LINGO2: variants seen among roughly 807,000 people sequenced by gnomAD.
LINGO2 encodes leucine-rich repeat and immunoglobulin-like domain-containing nogo receptor-interacting protein 2.
LINGO2 carries 14 observed loss-of-function variants against 30.6 expected under a neutral mutation model. The ratio of observed to expected loss-of-function variants is 0.46; its 90% confidence interval spans 0.30 to 0.72. LINGO2 has a LOEUF of 0.72. Ranked by LOEUF, LINGO2 falls within the 30% of genes least tolerant of loss-of-function variation. The pLI, the probability that LINGO2 is intolerant of heterozygous loss-of-function variation, is 0.07. For synonymous variants in LINGO2, 317 were observed against 288.5 expected, an observed-to-expected ratio of 1.10 and a Z score of -1.00; for missense variants, 729 against 751.7, an observed-to-expected ratio of 0.97 and a Z score of 0.35.
chr9:28,628,933 C>T (rs1826810221), intron 1 of LINGO2, among the ~76,000 whole-genome samples: 1 of 152,032 alleles, frequency 6.6e-6, no homozygotes, highest in African/African-American at 2.4e-5. Context: ...TCTGGAGATA[C>T]CCAGAGCCCA....
At chr9:29,208,910 A>C in the LINGO2 span, among the ~76,000 whole-genome samples, 1 of 152,150 alleles carries the variant, frequency 6.6e-6, no homozygotes, top group Non-Finnish European at 1.5e-5. Flanking sequence ...GATTTTTAGA[A>C]CTAGGATCTT....
chr9:28,297,216 G>C (rs912174791), intron 3 of LINGO2, among the ~76,000 whole-genome samples: 4 of 152,252 alleles, frequency 2.6e-5, no homozygotes, highest in East Asian at 3.9e-4. Context: ...GTGAAAATAA[G>C]TCAGTATAAC....
intron 1 of LINGO2, among the ~76,000 whole-genome samples, chr9:28,559,123 C>T (rs1822906221): frequency 6.6e-6 from 1 of 152,062 alleles, no homozygotes; most frequent in South Asian, 2.1e-4. Context: ...CAAATAAATT[C>T]TAAAAACTGT....
Position 28,128,256 on chromosome 9 carries a change from T to C in LINGO2, c.-86-115851A>G, listed in dbSNP as rs533492849. On this transcript the variant is annotated intron_variant, in intron 4 of 5. Coordinates refer to ENST00000379992, the Ensembl canonical transcript of LINGO2. Reference sequence around the variant, plus strand: ...GCCACAGAAAAAGTACAAGAACCATTGTTTCCTGACTCCTCAATCAGTGCT... The same window carrying C: ...GCCACAGAAAAAGTACAAGAACCATCGTTTCCTGACTCCTCAATCAGTGCT... Among the ~76,000 whole-genome samples, 3 of 152,292 alleles carry C rather than the reference T, an allele frequency of 2.0e-5. No individual in the cohort carries two copies. The East Asian group carries it at 5.8e-4, about 29-fold the overall frequency.
the LINGO2 span, among the ~76,000 whole-genome samples, chr9:28,696,019 G>A: frequency 2.6e-5 from 4 of 151,484 alleles, no homozygotes; most frequent in African/African-American, 4.8e-5. Flanking sequence ...GTGAGAAACC[G>A]TTTCCTTACT....
intron 1 of LINGO2, among the ~76,000 whole-genome samples, chr9:28,648,764 A>G (rs576693764): frequency 4.6e-5 from 7 of 152,246 alleles, no homozygotes; most frequent in African/African-American, 1.7e-4. Flanking sequence ...AAATAAATAA[A>G]TAAAAGGTAT....
intron 3 of LINGO2, among the ~76,000 whole-genome samples, chr9:28,304,724 G>A (rs1824278638): frequency 6.6e-6 from 1 of 151,966 alleles, no homozygotes; most frequent in African/African-American, 2.4e-5. Context: ...TTAGATCTAT[G>A]TTTAACTATA....
intron 4 of LINGO2, among the ~76,000 whole-genome samples, chr9:28,067,799 C>T (rs772589171): frequency 3.3e-5 from 5 of 152,098 alleles, no homozygotes; most frequent in Non-Finnish European, 7.4e-5. Flanking sequence ...TATTTAGCAA[C>T]GCATCAACTT....
chr9:28,523,942 G>A (rs921163078), intron 1 of LINGO2, among the ~76,000 whole-genome samples: 1 of 151,232 alleles, frequency 6.6e-6, no homozygotes, highest in African/African-American at 2.4e-5. Context: ...TAAAATTCAG[G>A]TGGAAATACA....
chr9:28,328,076 A>T (rs1420319113), intron 3 of LINGO2, among the ~76,000 whole-genome samples: 3 of 152,170 alleles, frequency 2.0e-5, no homozygotes, highest in African/African-American at 7.2e-5. Flanking sequence ...AATACGCAGC[A>T]AGAAGAATTG....
At chr9:28,038,761 C>CA (rs1041337627) in intron 4 of LINGO2, among the ~76,000 whole-genome samples, 1 of 151,300 alleles carries the variant, frequency 6.6e-6, no homozygotes, top group South Asian at 2.1e-4. Flanking sequence ...GTGTTGAAAT[C>CA]AAACACTCCA....
At chr9:28,220,929 TTAG>T (rs1820935274) in intron 4 of LINGO2, among the ~76,000 whole-genome samples, 1 of 151,978 alleles carries the variant, frequency 6.6e-6, no homozygotes, top group Non-Finnish European at 1.5e-5. Context: ...GTAATTACAG[TTAG>T]TAGGAATAAA....
chr9:28,192,692 A>G (rs1819864197), intron 4 of LINGO2, among the ~76,000 whole-genome samples: 2 of 152,136 alleles, frequency 1.3e-5, no homozygotes, highest in South Asian at 4.1e-4. Flanking sequence ...TAATTTTTTT[A>G]TCACTACATG....
At chr9:28,432,664 C>G (rs944357631) in intron 2 of LINGO2, among the ~76,000 whole-genome samples, 1 of 152,086 alleles carries the variant, frequency 6.6e-6, no homozygotes, top group Non-Finnish European at 1.5e-5. Context: ...GATCTGAATT[C>G]TGTCTCTATT....
At chr9:28,797,329 CATATATATATATATATAT>C in the LINGO2 span, among the ~76,000 whole-genome samples, 4 of 65,928 alleles carry the variant, frequency 6.1e-5, no homozygotes, top group African/African-American at 1.1e-4. Flanking sequence ...ATCATATATA[CATATATATATATATATAT>C]ATATATATAT....
intron 4 of LINGO2, among the ~76,000 whole-genome samples, chr9:28,063,730 C>T (rs1825225825): frequency 6.6e-6 from 1 of 152,112 alleles, no homozygotes; most frequent in African/African-American, 2.4e-5. Flanking sequence ...CAGGAGCTAA[C>T]TCTATAAAAA....
At chr9:28,333,282 A>G (rs1378372447) in intron 3 of LINGO2, among the ~76,000 whole-genome samples, 1 of 152,238 alleles carries the variant, frequency 6.6e-6, no homozygotes, top group Non-Finnish European at 1.5e-5. Flanking sequence ...AATAAAAAAT[A>G]TCTACAGTTG....
the LINGO2 span, among the ~76,000 whole-genome samples, chr9:28,908,929 G>A: frequency 6.6e-6 from 1 of 151,674 alleles, no homozygotes; most frequent in Non-Finnish European, 1.5e-5. Context: ...TTTTGATTTG[G>A]TATGTTTTAT....
chr9:28,091,442 A>G (rs1478863495), intron 4 of LINGO2, among the ~76,000 whole-genome samples: 1 of 152,134 alleles, frequency 6.6e-6, no homozygotes, highest in African/African-American at 2.4e-5. Flanking sequence ...CAAAAACACA[A>G]AACAGGGAAA....
Sources: gnomAD v4.1 joint callset for allele counts (sites outside exome capture counted in the v4.1 genomes callset) on GRCh38, gnomAD v4.1.1 for gene constraint, MANE v1.5 for transcripts, NCBI Gene and HGNC (gene_info 2026-07-23, HGNC 2026-07-21) for gene names.